The following WWOX variants were observed in gnomAD, a reference collection of about 807,000 sequenced individuals.
WWOX encodes the protein WW domain containing oxidoreductase, also known as WW domain-containing oxidoreductase.
Under a neutral mutation model 46.2 loss-of-function variants are expected in WWOX, and 69 were observed. That is an observed-to-expected ratio of 1.49 (90% CI 1.23 to 1.82). WWOX has a LOEUF of 1.82. Among genes scored for constraint, WWOX ranks in the 40% most tolerant of loss-of-function variants. The pLI, the probability that WWOX is intolerant of heterozygous loss-of-function variation, is 0.00. For missense variants in WWOX, 919 were observed against 542.6 expected (o/e 1.69, Z -6.89); for synonymous variants, 359 against 202.6 (o/e 1.77, Z -6.56).
At chr16:78,297,445 A>G (rs776232328) in intron 5 of WWOX, among the ~76,000 whole-genome samples, 6 of 152,182 alleles carry the variant, frequency 3.9e-5, no homozygotes, top group Non-Finnish European at 7.4e-5. Flanking sequence ...TGCCATTTGT[A>G]GAACCATATT....
chr16:78,836,080 A>G (rs1365328074), intron 8 of WWOX, among the ~76,000 whole-genome samples: 2 of 152,224 alleles, frequency 1.3e-5, no homozygotes, highest in African/African-American at 4.8e-5. Flanking sequence ...GATTTCGTTG[A>G]GAAAGTGACC....
intron 8 of WWOX, among the ~76,000 whole-genome samples, chr16:78,607,727 T>C (rs529727560): frequency 2.2e-4 from 33 of 151,848 alleles, no homozygotes; most frequent in Admixed American, 1.8e-3. Flanking sequence ...TGTGTGTGTT[T>C]GTTTTGGTCA....
At chr16:78,147,649 A>G (rs956195323) in intron 4 of WWOX, among the ~76,000 whole-genome samples, 2 of 142,576 alleles carry the variant, frequency 1.4e-5, no homozygotes, top group Admixed American at 7.0e-5. Context: ...GCCAAGGTCA[A>G]TCTGAATTTT....
At chr16:79,209,156 AAGGT>A (rs561472248) in intron 8 of WWOX, among the ~76,000 whole-genome samples, 31 of 152,316 alleles carry the variant, frequency 2.0e-4, no homozygotes, top group African/African-American at 7.2e-4. Flanking sequence ...GCTTTTCAAA[AAGGT>A]ATGGCTCTCA....
rs941418445 is a variant in WWOX at position 78,543,326 on chromosome 16, C to G, written c.1056+110574C>G. On this transcript the variant is annotated intron_variant, in intron 8 of 8. Coordinates refer to ENST00000566780, the MANE Select transcript of WWOX (RefSeq NM_016373.4). ...GTGGCCCTGAAGAGGGTGGGAATGT[C>G]TCATCCCCCTGTGGGCTTAGAAGAA... Among the ~76,000 whole-genome samples the G allele has an allele frequency of 7.2e-5, 11 of 152,210 alleles. 1 individual carries two copies. The highest frequency in any genetic ancestry group is 1.6e-4 in the Non-Finnish European group (11 of 68,032).
chr16:78,290,029 A>G lies in WWOX; in HGVS notation c.517-96831A>G, dbSNP rs114974891. Among the ~76,000 whole-genome samples the G allele has an allele frequency of 4.7e-3, 714 of 152,276 alleles. 3 individuals carry two copies. The highest frequency in any genetic ancestry group is 0.016 in the African/African-American group (676 of 41,562). ...TTAATGTCACTTTTATTACATTTTT[A>G]CTGTGCATTCATGTGCACACACACA... On this transcript the variant is annotated intron_variant, in intron 5 of 8. Coordinates refer to ENST00000566780, the MANE Select transcript of WWOX (RefSeq NM_016373.4).
chr16:78,214,857 T>C (rs2036667889), intron 5 of WWOX, among the ~76,000 whole-genome samples: 1 of 151,796 alleles, frequency 6.6e-6, no homozygotes, highest in African/African-American at 2.4e-5. Flanking sequence ...GTTTGTCGTT[T>C]AAAAATTTGG....
chr16:79,063,677 T>C (rs140799112), intron 8 of WWOX, among the ~76,000 whole-genome samples: 2 of 152,302 alleles, frequency 1.3e-5, no homozygotes, highest in East Asian at 1.9e-4. Flanking sequence ...CTCTTTTGGA[T>C]TGACGTGCCA....
intron 8 of WWOX, among the ~76,000 whole-genome samples, chr16:78,958,995 C>T (rs1394845557): frequency 6.6e-6 from 1 of 151,974 alleles, no homozygotes; most frequent in African/African-American, 2.4e-5. Context: ...AGTTTCCCAT[C>T]TGTGAAAAAA....
intron 8 of WWOX, among the ~76,000 whole-genome samples, chr16:78,924,984 C>G (rs2045465235): frequency 6.6e-6 from 1 of 152,288 alleles, no homozygotes; most frequent in East Asian, 1.9e-4. Context: ...CAGTTGAGCT[C>G]AGGCGTTCAA....
At chr16:78,975,097 C>T (rs1319909655) in intron 8 of WWOX, among the ~76,000 whole-genome samples, 3 of 152,188 alleles carry the variant, frequency 2.0e-5, no homozygotes, top group African/African-American at 7.2e-5. Flanking sequence ...TGCATTTTAA[C>T]TCTGGACCAG....
At position 78,380,828 on chromosome 16, in the gene WWOX, G is replaced by C. The variant is rs372871780; in HGVS notation, c.517-6032G>C. Reference sequence around the variant, plus strand: ...CCCCCTGAAAAAAGAAAACAAGGGAGACCCACAGTTATTAATATGCATTAT... The same window carrying C: ...CCCCCTGAAAAAAGAAAACAAGGGACACCCACAGTTATTAATATGCATTAT... On this transcript the variant is annotated intron_variant, in intron 5 of 8. Coordinates refer to ENST00000566780, the MANE Select transcript of WWOX (RefSeq NM_016373.4). 6.6e-5 allele frequency among the ~76,000 whole-genome samples: 10 copies of C among 152,220 alleles called. No individual in the cohort carries two copies. In the East Asian group the frequency reaches 7.7e-4, roughly 12 times the overall value.
intron 8 of WWOX, among the ~76,000 whole-genome samples, chr16:78,831,216 A>G (rs1170038536): frequency 1.4e-5 from 2 of 139,348 alleles, no homozygotes; most frequent in Non-Finnish European, 3.1e-5. Flanking sequence ...TTTCGAGGTC[A>G]TGTTTTCCCT....
intron 8 of WWOX, among the ~76,000 whole-genome samples, chr16:79,081,885 T>C (rs1209523166): frequency 2.6e-5 from 4 of 152,138 alleles, no homozygotes; most frequent in African/African-American, 9.7e-5. Flanking sequence ...CTATCCTAGT[T>C]TCACTCTGAT....
At chr16:78,798,802 C>T (rs1019367981) in intron 8 of WWOX, among the ~76,000 whole-genome samples, 2 of 152,134 alleles carry the variant, frequency 1.3e-5, no homozygotes, top group Non-Finnish European at 2.9e-5. Flanking sequence ...GGACACTGGT[C>T]TATTGAGAGA....
At chr16:78,415,571 G>C (rs898860886) in intron 6 of WWOX, among the ~76,000 whole-genome samples, 2 of 152,140 alleles carry the variant, frequency 1.3e-5, no homozygotes, top group African/African-American at 4.8e-5. Flanking sequence ...CTGAGACTAA[G>C]GACAAGATGG....
At chr16:79,120,575 C>T (rs767799096) in intron 8 of WWOX, among the ~76,000 whole-genome samples, 2 of 152,156 alleles carry the variant, frequency 1.3e-5, no homozygotes, top group Non-Finnish European at 2.9e-5. Flanking sequence ...TACATTTGCT[C>T]ACGGTGTTGG....
At chr16:78,683,193 T>A (rs911916145) in intron 8 of WWOX, among the ~76,000 whole-genome samples, 21 of 152,128 alleles carry the variant, frequency 1.4e-4, no homozygotes, top group African/African-American at 4.1e-4. Context: ...AAATTTTTTT[T>A]AAATTCATTT....
chr16:78,918,145 C>G (rs958568302), intron 8 of WWOX, among the ~76,000 whole-genome samples: 1 of 151,996 alleles, frequency 6.6e-6, no homozygotes, highest in Admixed American at 6.6e-5. Context: ...ATCACTTGAG[C>G]CCAGGAGGTT....
Sources: gnomAD v4.1 joint callset for allele counts (sites outside exome capture counted in the v4.1 genomes callset) on GRCh38, gnomAD v4.1.1 for gene constraint, MANE v1.5 for transcripts, NCBI Gene and HGNC (gene_info 2026-07-23, HGNC 2026-07-21) for gene names.